Variants in PRKAG2 observed in about 807,000 individuals in gnomAD.
PRKAG2 encodes protein kinase AMP-activated non-catalytic subunit gamma 2, also known as 5'-AMP-activated protein kinase subunit gamma-2.
Under a neutral mutation model 69.6 loss-of-function variants are expected in PRKAG2, and 26 were observed. The ratio of observed to expected loss-of-function variants is 0.37; its 90% CI spans 0.27 to 0.52. The LOEUF is 0.52. Ranked by LOEUF, PRKAG2 falls within the 20% of genes least tolerant of loss-of-function variation. The pLI is 0.90. For missense variants in PRKAG2, 557 were observed against 740.0 expected (o/e 0.75, Z 2.87); for synonymous variants, 293 against 285.0 (o/e 1.03, Z -0.28).
At chr7:151,811,116 G>A (rs935493026) in intron 1 of PRKAG2, among the ~76,000 whole-genome samples, 4 of 152,216 alleles carry the variant, frequency 2.6e-5, no homozygotes, top group African/African-American at 7.2e-5. Flanking sequence ...CGCCTCAGTC[G>A]CCTGATGAAT....
At chr7:151,703,661 A>G (rs1189768486) in intron 3 of PRKAG2, among the ~76,000 whole-genome samples, 1 of 152,152 alleles carries the variant, frequency 6.6e-6, no homozygotes, top group Non-Finnish European at 1.5e-5. Context: ...TCTCCCTGCC[A>G]GGCACCACCT....
chr7:151,826,058 G>A (rs1196996366), intron 1 of PRKAG2, among the ~76,000 whole-genome samples: 2 of 152,126 alleles, frequency 1.3e-5, no homozygotes, highest in African/African-American at 2.4e-5. Context: ...CACCCTAACA[G>A]GTAGAGTACC....
chr7:151,870,026 T>A (rs1188836739), intron 1 of PRKAG2, among the ~76,000 whole-genome samples: 2 of 152,210 alleles, frequency 1.3e-5, no homozygotes, highest in Non-Finnish European at 2.9e-5. Flanking sequence ...TTCATCTTTA[T>A]TTGGAAGCCA....
intron 1 of PRKAG2, among the ~76,000 whole-genome samples, chr7:151,847,028 G>A (rs574644647): frequency 4.7e-4 from 71 of 152,362 alleles, no homozygotes; most frequent in African/African-American, 1.7e-3. Flanking sequence ...GTAAGCGGCT[G>A]GGTGAGGGAC....
At position 151,614,757 on chromosome 7, in the gene PRKAG2, C is replaced by T. The variant is rs969872955; in HGVS notation, c.754+17312G>A. On this transcript the variant is annotated intron_variant, in intron 5 of 15. Coordinates refer to ENST00000287878, the MANE Select transcript of PRKAG2 (RefSeq NM_016203.4). This position sits in a 1 kb window ranked among gnomAD's most constrained non-coding sequence, Gnocchi z 4.4. ...GACTCCACCTGGGCCTTCTGAGTCC[C>T]CATCACCAGCAACCACCTGGCACTA... is the stretch of plus-strand genomic sequence containing the variant. 6.6e-6 allele frequency among the ~76,000 whole-genome samples: 1 copy of T among 152,220 alleles called. No individual in the cohort carries two copies. The highest frequency in any genetic ancestry group is 2.1e-4 in the South Asian group (1 of 4,836).
chr7:151,727,833 T>G (rs1798249281), intron 3 of PRKAG2, among the ~76,000 whole-genome samples: 1 of 152,180 alleles, frequency 6.6e-6, no homozygotes, highest in Admixed American at 6.5e-5. Flanking sequence ...CATTAGCTGA[T>G]GTGTCATCTC....
At chr7:151,559,772 A>G (rs1804504932) in intron 15 of PRKAG2, 2 of 985,204 alleles carry the variant, frequency 2.0e-6, no homozygotes, top group Non-Finnish European at 2.4e-6. Flanking sequence ...TTGCTCCCAC[A>G]TCGGGTCCAT....
At chr7:151,671,042 T>C (rs1236586755) in intron 4 of PRKAG2, among the ~76,000 whole-genome samples, 1 of 151,866 alleles carries the variant, frequency 6.6e-6, no homozygotes, top group African/African-American at 2.4e-5. Context: ...GGTGTGGTGG[T>C]GCATGCCTGT....
intron 1 of PRKAG2, among the ~76,000 whole-genome samples, chr7:151,831,627 C>T (rs2079027284): frequency 6.6e-6 from 1 of 152,158 alleles, no homozygotes; most frequent in South Asian, 2.1e-4. Context: ...CAAACACGTG[C>T]CCTTGTTTCA....
intron 4 of PRKAG2, among the ~76,000 whole-genome samples, chr7:151,642,250 G>A (rs1324948405): frequency 2.6e-5 from 4 of 152,176 alleles, no homozygotes; most frequent in Non-Finnish European, 5.9e-5. Context: ...GGCTGAGGCA[G>A]GAGAATGGTG....
chr7:151,808,847 C>A (rs566225211), intron 1 of PRKAG2, among the ~76,000 whole-genome samples: 1 of 152,294 alleles, frequency 6.6e-6, no homozygotes, highest in Admixed American at 6.5e-5. Context: ...TGTGAGACCC[C>A]CGAAGGGTCT....
intron 5 of PRKAG2, among the ~76,000 whole-genome samples, chr7:151,629,962 T>C (rs1449471109): frequency 1.3e-5 from 2 of 152,220 alleles, no homozygotes; most frequent in Non-Finnish European, 2.9e-5. Context: ...GAATAAGCAA[T>C]TTAAAGTTCA....
chr7:151,832,049 TC>T (rs1272040621), intron 1 of PRKAG2, among the ~76,000 whole-genome samples: 1 of 152,090 alleles, frequency 6.6e-6, no homozygotes, highest in East Asian at 1.9e-4. Flanking sequence ...GATGGAGGAA[TC>T]TCAGGAGTCT....
chr7:151,870,647 C>T (rs770903069), intron 1 of PRKAG2, among the ~76,000 whole-genome samples: 33 of 152,176 alleles, frequency 2.2e-4, no homozygotes, highest in Non-Finnish European at 4.7e-4. Context: ...CAGGACGGGG[C>T]TCCCCTTCCC....
At chr7:151,775,947 A>G (rs1188849651) in intron 3 of PRKAG2, among the ~76,000 whole-genome samples, 1 of 152,252 alleles carries the variant, frequency 6.6e-6, no homozygotes, top group Non-Finnish European at 1.5e-5. Context: ...GATTTCAAGT[A>G]CGGAGAAAAG....
chr7:151,601,301 C>T (rs1337749160), intron 5 of PRKAG2, among the ~76,000 whole-genome samples: 1 of 152,194 alleles, frequency 6.6e-6, no homozygotes, highest in East Asian at 1.9e-4. Context: ...TTACTTCTGT[C>T]TCATCAGTTA....
At chr7:151,601,499 G>A (rs951966733) in intron 5 of PRKAG2, among the ~76,000 whole-genome samples, 1 of 152,058 alleles carries the variant, frequency 6.6e-6, no homozygotes, top group Non-Finnish European at 1.5e-5. Flanking sequence ...GGAAAGTTAG[G>A]GGAGGAAAAA....
Position 151,814,540 on chromosome 7 carries a change from T to C in PRKAG2, c.115-27999A>G. 8.1e-7 allele frequency: 1 copy of C among 1,231,616 alleles called. No individual in the cohort carries two copies. Among genetic ancestry groups the C allele is most frequent in the Non-Finnish European group, 1.0e-6 (1 of 987,982 alleles). The allele number at this position is 1,231,616 out of a possible 1,614,324, so 76.3% of individuals were successfully genotyped here. A position where few individuals can be genotyped will look rare whatever the true frequency, so the allele number is the denominator to read the frequency against. ...CGGCACTCCCAGCTCTGACAAATCCTGCTGCCTCACTCGAAAGGTCCATCA... is the reference window on the plus strand; with the variant it reads ...CGGCACTCCCAGCTCTGACAAATCCCGCTGCCTCACTCGAAAGGTCCATCA... On this transcript the variant is annotated intron_variant, in intron 1 of 15. Coordinates refer to ENST00000287878, the MANE Select transcript of PRKAG2 (RefSeq NM_016203.4). The surrounding 1 kb of genome is among the most constrained non-coding windows in gnomAD (Gnocchi z 4.8).
At chr7:151,791,252 C>G (rs1468331538) in intron 1 of PRKAG2, among the ~76,000 whole-genome samples, 4 of 152,124 alleles carry the variant, frequency 2.6e-5, no homozygotes, top group Non-Finnish European at 4.4e-5. Flanking sequence ...GTGGGAAAAT[C>G]TCTAACTGCA....
Sources: allele counts gnomAD v4.1 joint callset (sites outside exome capture counted in the v4.1 genomes callset), GRCh38; gene constraint gnomAD v4.1.1; non-coding constraint Gnocchi (gnomAD v3.1); transcripts MANE v1.5; gene names NCBI Gene and HGNC (gene_info 2026-07-23, HGNC 2026-07-21).